Variants in USP6 observed in about 807,000 individuals in gnomAD.
USP6 encodes the protein ubiquitin carboxyl-terminal hydrolase 6.
USP6 carries 128 observed loss-of-function variants against 175.7 expected under a neutral mutation model. That is an observed-to-expected ratio of 0.73 (90% CI 0.63 to 0.84). The LOEUF is 0.84. Among genes scored for constraint, USP6 ranks in the 40% least tolerant of loss-of-function variants. USP6 has a pLI of 0.00. For synonymous variants in USP6, 562 were observed against 630.6 expected, an observed-to-expected ratio of 0.89 and a Z score of 1.63; for missense variants, 1,498 against 1,760.3, an observed-to-expected ratio of 0.85 and a Z score of 2.67.
chr17:5,130,811 G>A (rs1424676589), intron 11 of USP6, 127 bp downstream of exon 11: 1 of 1,283,984 alleles, frequency 7.8e-7, no homozygotes, highest in Non-Finnish European at 1.1e-6. Context: ...TCTTTTCCAG[G>A]GTCAGAACTC....
chr17:5,139,038 C>T lies in USP6; in HGVS notation c.1079-217C>T, dbSNP rs1210133960. 4.4e-6 allele frequency: 7 copies of T among 1,576,870 alleles called. No individual in the cohort carries two copies. In the Admixed American group the frequency reaches 1.2e-4, roughly 27 times the overall value. On this transcript the variant is annotated intron_variant, in intron 21 of 37. Transcript: ENST00000574788. ...AGCCAGTCTGAACCCTGGGGGCAGT[C>T]CCAGGAGCCACCCACCATGCCCCAA... is the stretch of plus-strand genomic sequence containing the variant.
Position 5,171,577 on chromosome 17 carries a change from T to C in USP6, c.3955-10T>C. The C allele has an allele frequency of 1.9e-6, 3 of 1,613,600 alleles. No homozygotes were observed. Among genetic ancestry groups the C allele is most frequent in the South Asian group, 2.2e-5 (2 of 91,058 alleles). On this transcript the variant is annotated splice_polypyrimidine_tract_variant and intron_variant, in intron 36 of 37. Transcript: ENST00000574788. ...CTACTAACATACCTCCACTCTCTTA[T>C]CTCTTACAGTGCCATTCAGGAATTC...
intron 4 of USP6, among the ~76,000 whole-genome samples, chr17:5,121,965 G>T (rs560531944): frequency 6.6e-5 from 10 of 152,122 alleles, no homozygotes; most frequent in Non-Finnish European, 1.3e-4. Flanking sequence ...AGGCAATGGG[G>T]AGCCATGGAG....
chr17:5,126,432 A>G (rs1373508873), intron 6 of USP6, among the ~76,000 whole-genome samples: 2 of 152,144 alleles, frequency 1.3e-5, no homozygotes, highest in Non-Finnish European at 2.9e-5. Context: ...GCTCCATGAG[A>G]AGGGATTCTC....
Position 5,137,302 on chromosome 17 carries a change from C to T in USP6, c.825+116C>T, listed in dbSNP as rs542740271. 46 of 1,352,006 alleles carry T rather than the reference C, an allele frequency of 3.4e-5. No individual in the cohort carries two copies. In the East Asian group the frequency reaches 4.4e-4, roughly 13 times the overall value. 83.8% of individuals were successfully genotyped at this position (1,352,006 alleles called of 1,614,324 possible). A position where few individuals can be genotyped will look rare whatever the true frequency, so the allele number is the denominator to read the frequency against. ...CCCACAGGAGGCTCAGGCGGGTCCC[C>T]GAAGGACACACAAGCAAAACCCTCT... On this transcript the variant is annotated intron_variant, in intron 19 of 37. Transcript: ENST00000574788.
chr17:5,124,976 C>G lies in USP6; in HGVS notation c.-888C>G, dbSNP rs894619847. 1 of 152,216 alleles carries G rather than the reference C, an allele frequency of 6.6e-6. No homozygotes were observed. Among genetic ancestry groups the G allele is most frequent in the African/African-American group, 2.4e-5 (1 of 41,448 alleles). 9.4% of individuals were successfully genotyped at this position (152,216 alleles called of 1,614,324 possible). A position where few individuals can be genotyped will look rare whatever the true frequency, so the allele number is the denominator to read the frequency against. On this transcript the variant is annotated 5_prime_UTR_variant, in exon 5 of 38. Coordinates refer to ENST00000574788, the MANE Select transcript of USP6 (RefSeq NM_001304284.2). ...ATGAGGGATACCCAACTGTTAGGAACCAGGCAACACAGCAGGAGGTGAGCA... is the reference window on the plus strand; with the variant it reads ...ATGAGGGATACCCAACTGTTAGGAAGCAGGCAACACAGCAGGAGGTGAGCA...
intron 26 of USP6, 100 bp downstream of exon 26, chr17:5,144,963 C>A (rs1036735923): frequency 3.5e-6 from 5 of 1,420,188 alleles, no homozygotes; most frequent in South Asian, 3.6e-5. Context: ...ATTCTGAGAT[C>A]AGAATTTTAC....
Position 5,141,512 on chromosome 17 carries a change from T to C in USP6, c.1573+13T>C. On this transcript the variant is annotated intron_variant, in intron 23 of 37. Transcript: ENST00000574788. ...GATAGACAAAAGGGTAAGTCTCCAG[T>C]ATTATTTTTTAAAGAGATTATTTTA... The C allele has an allele frequency of 1.3e-6, 2 of 1,565,406 alleles. No homozygotes were observed. Among genetic ancestry groups the C allele is most frequent in the Non-Finnish European group, 1.7e-6 (2 of 1,153,802 alleles).
rs2073221905 is a variant in USP6, at chr17:5,135,420, C to T, written c.543+138C>T. On this transcript the variant is annotated intron_variant, in intron 16 of 37. Coordinates refer to ENST00000574788, the MANE Select transcript of USP6 (RefSeq NM_001304284.2). ...ATATAGGAGGTAGGATTCTAGGTCA[C>T]CGCTGGCATAAACCTCCAAGCAAGG... 2 of 1,223,364 alleles carry T rather than the reference C, an allele frequency of 1.6e-6. 1 individual carries two copies. Among genetic ancestry groups the T allele is most frequent in the African/African-American group, 3.0e-5 (2 of 67,284 alleles). The allele number at this position is 1,223,364 out of a possible 1,614,324, so 75.8% of individuals were successfully genotyped here. A position where few individuals can be genotyped will look rare whatever the true frequency, so the allele number is the denominator to read the frequency against.
In USP6 at chr17:5,133,491, G is replaced by A. The variant is rs768696036; in HGVS notation, c.325G>A (p.Val109Met). 9 of 1,611,664 alleles carry A rather than the reference G, an allele frequency of 5.6e-6. No individual in the cohort carries two copies. In the African/African-American group the frequency reaches 1.1e-4, roughly 19 times the overall value. The part of the protein sequence containing the change: ...KGIPMNIRGP[V>M]WSVLLNIQEI... ...AATTCCCATGAACATCCGGGGCCCGGTGTGGTCAGTCCTCCTGAACATTCA... is the reference window on the plus strand; with the variant it reads ...AATTCCCATGAACATCCGGGGCCCGATGTGGTCAGTCCTCCTGAACATTCA... The change falls in exon 14 of 38, where the codon GTG becomes ATG. Residue 109 changes from valine (V) to methionine (M), a missense_variant. Val to Met is a conservative substitution (Grantham distance 21). Transcript: ENST00000574788.
At chr17:5,137,499 A>G in intron 19 of USP6, 152 bp from the exon 20 acceptor site, 1 of 840,472 alleles carries the variant, frequency 1.2e-6, no homozygotes, top group Non-Finnish European at 1.9e-6. Context: ...GAGAAGTTGC[A>G]AGACCTTTTC....
intron 21 of USP6, 129 bp from the exon 22 acceptor site, chr17:5,139,126 C>G (rs2073359331): frequency 1.3e-6 from 2 of 1,597,200 alleles, no homozygotes; most frequent in African/African-American, 2.7e-5. Context: ...ACAGGCGTGT[C>G]GTCAGTGTCA....
At chr17:5,163,041 ATATGGG>A (rs1386090288) in intron 33 of USP6, 37 bp downstream of exon 33, 1 of 1,509,304 alleles carries the variant, frequency 6.6e-7, no homozygotes, top group Non-Finnish European at 8.8e-7. Context: ...GGTGGTTTTT[ATATGGG>A]AAATTTCCCC....
chr17:5,161,156 T>C lies in USP6; in HGVS notation c.2829-372T>C, dbSNP rs149248157. ...TATACAGCTTTCTGCAATGTGTCAG[T>C]GTTCTTGTCATGGAAAGATCTAATT... On this transcript the variant is annotated intron_variant, in intron 31 of 37. Coordinates refer to ENST00000574788, the MANE Select transcript of USP6 (RefSeq NM_001304284.2). Among the ~76,000 whole-genome samples the C allele has an allele frequency of 9.1e-3, 1,380 of 152,386 alleles. 10 individuals carry two copies. The highest frequency in any genetic ancestry group is 0.016 in the Non-Finnish European group (1,065 of 68,036).
intron 14 of USP6, 34 bp from the exon 15 acceptor site, chr17:5,133,853 G>T: frequency 6.2e-7 from 1 of 1,603,524 alleles, no homozygotes; most frequent in Non-Finnish European, 8.5e-7. Context: ...CATCTGTTCT[G>T]AGGCTGCTTC....
At chr17:5,119,027 A>AAGTG (rs1457454087) in intron 2 of USP6, among the ~76,000 whole-genome samples, 1 of 152,218 alleles carries the variant, frequency 6.6e-6, no homozygotes, top group African/African-American at 2.4e-5. Context: ...TTTCGGCTCA[A>AAGTG]AGATGGGGTT....
chr17:5,144,146 A>G (rs1221700291), intron 25 of USP6, among the ~76,000 whole-genome samples: 1 of 152,130 alleles, frequency 6.6e-6, no homozygotes, highest in Non-Finnish European at 1.5e-5. Context: ...TATATCCTCT[A>G]AATAATTCTA....
intron 3 of USP6, 33 bp from the exon 4 acceptor site, chr17:5,121,342 C>G: frequency 2.9e-6 from 1 of 344,170 alleles, no homozygotes; most frequent in Non-Finnish European, 5.7e-6. Flanking sequence ...CTGAAAATCT[C>G]CTGAAACCCC....
intron 2 of USP6, among the ~76,000 whole-genome samples, chr17:5,120,153 G>C (rs1324368117): frequency 1.3e-5 from 2 of 152,174 alleles, no homozygotes; most frequent in African/African-American, 4.8e-5. Context: ...TTTCCCCCTG[G>C]CTTTGAGGCT....
Sources: allele counts gnomAD v4.1 joint callset (sites outside exome capture counted in the v4.1 genomes callset), GRCh38; gene constraint gnomAD v4.1.1; transcripts MANE v1.5; gene names NCBI Gene and HGNC (gene_info 2026-07-23, HGNC 2026-07-21).